Variants in SV2C observed in about 807,000 individuals in gnomAD.
SV2C encodes solute carrier family 22 member B3.
SV2C carries 49 observed loss-of-function variants against 79.7 expected under a neutral mutation model. The ratio of observed to expected loss-of-function variants is 0.61; its 90% confidence interval spans 0.49 to 0.78. SV2C has a LOEUF of 0.78. Ranked by LOEUF, SV2C falls within the 30% of genes least tolerant of loss-of-function variation. The pLI is 0.00. For synonymous variants in SV2C, 334 were observed against 333.2 expected (o/e 1.00, Z -0.03); for missense variants, 833 against 912.9 (o/e 0.91, Z 1.13).
intron 1 of SV2C, among the ~76,000 whole-genome samples, chr5:76,120,169 C>A (rs1050109411): frequency 6.6e-6 from 1 of 152,010 alleles, no homozygotes; most frequent in Non-Finnish European, 1.5e-5. Flanking sequence ...AAAGAATCTA[C>A]CAGCACACAT....
At chr5:76,274,100 G>A (rs181069497) in intron 4 of SV2C, among the ~76,000 whole-genome samples, 4 of 152,256 alleles carry the variant, frequency 2.6e-5, no homozygotes, top group East Asian at 3.9e-4. Context: ...ATTAACATTC[G>A]TTTAGTTCAG....
intron 3 of SV2C, among the ~76,000 whole-genome samples, chr5:76,197,660 A>G (rs1346633652): frequency 2.1e-5 from 3 of 142,046 alleles, no homozygotes. Flanking sequence ...AGCATTCTCC[A>G]GAGAGAGAGA....
At chr5:76,118,745 G>T (rs1011977378) in intron 1 of SV2C, among the ~76,000 whole-genome samples, 23 of 152,180 alleles carry the variant, frequency 1.5e-4, no homozygotes, top group African/African-American at 5.6e-4. Flanking sequence ...ACTTTGGGAG[G>T]CTGAGGTAGG....
the SV2C span, among the ~76,000 whole-genome samples, chr5:75,932,625 G>A: frequency 6.6e-6 from 1 of 152,234 alleles, no homozygotes; most frequent in African/African-American, 2.4e-5. Context: ...GCCTCTGGCT[G>A]ATTATCTGCA....
intron 2 of SV2C, among the ~76,000 whole-genome samples, chr5:76,190,304 A>G (rs940663778): frequency 2.0e-4 from 31 of 152,234 alleles, no homozygotes; most frequent in Non-Finnish European, 3.7e-4. Flanking sequence ...AAAAGTGTGA[A>G]TTTAGAGCCA....
Position 76,106,944 on chromosome 5 carries a change from C to T in SV2C, c.-102+23432C>T, listed in dbSNP as rs1045756839. 3.3e-5 allele frequency among the ~76,000 whole-genome samples: 5 copies of T among 152,306 alleles called. No homozygotes were observed. The East Asian group carries it at 9.6e-4, about 29-fold the overall frequency. ...GGTCTTGCTTGTCATTGTTGCATCCCAAGTGCCCAGAATAGTGCCTGACAC... is the reference window on the plus strand; with the variant it reads ...GGTCTTGCTTGTCATTGTTGCATCCTAAGTGCCCAGAATAGTGCCTGACAC... On this transcript the variant is annotated intron_variant, in intron 1 of 12. Coordinates refer to ENST00000502798, the MANE Select transcript of SV2C (RefSeq NM_014979.4).
chr5:76,246,654 C>T (rs1409907004), intron 4 of SV2C, among the ~76,000 whole-genome samples: 1 of 152,138 alleles, frequency 6.6e-6, no homozygotes, highest in African/African-American at 2.4e-5. Context: ...CACTCACACA[C>T]ACAGCAGAAG....
At chr5:75,947,836 C>T in the SV2C span, among the ~76,000 whole-genome samples, 1 of 151,890 alleles carries the variant, frequency 6.6e-6, no homozygotes, top group Non-Finnish European at 1.5e-5. Context: ...CATTGGTCTT[C>T]TCCTTGATCT....
In SV2C at chr5:76,171,528, G is replaced by A. The variant is rs1487166772; in HGVS notation, c.581-23391G>A. Among the ~76,000 whole-genome samples, 2 of 137,964 alleles carry A rather than the reference G, an allele frequency of 1.4e-5. 1 individual carries two copies. Among genetic ancestry groups the A allele is most frequent in the Non-Finnish European group, 3.3e-5 (2 of 60,678 alleles). 90.5% of individuals were successfully genotyped at this position (137,964 alleles called of 152,430 possible). On this transcript the variant is annotated intron_variant, in intron 2 of 12. Transcript: ENST00000502798. The stretch of plus-strand genomic sequence containing the variant: ...GCAACCACCCCGTCTGAGAAGTGAG[G>A]AGCCTCTCCGCCCGGCAGCCACCCC...
the SV2C span, among the ~76,000 whole-genome samples, chr5:75,905,652 G>T: frequency 4.6e-5 from 7 of 152,138 alleles, no homozygotes; most frequent in South Asian, 1.5e-3. Context: ...CCCAGCTGGT[G>T]GTGTCAGGTG....
At chr5:76,144,055 A>G (rs979990558) in intron 2 of SV2C, among the ~76,000 whole-genome samples, 1 of 152,216 alleles carries the variant, frequency 6.6e-6, no homozygotes, top group Admixed American at 6.5e-5. Context: ...CAAAAAGTGC[A>G]CAATCTCAGT....
At chr5:75,949,528 CAT>C in the SV2C span, among the ~76,000 whole-genome samples, 2 of 151,974 alleles carry the variant, frequency 1.3e-5, no homozygotes, top group Non-Finnish European at 2.9e-5. Context: ...GTATTTTCCA[CAT>C]GTTGTGGGAG....
the SV2C span, among the ~76,000 whole-genome samples, chr5:75,919,177 A>C: frequency 6.6e-6 from 1 of 152,350 alleles, no homozygotes; most frequent in East Asian, 1.9e-4. Flanking sequence ...ACATGAGAAC[A>C]GTGTACAAGT....
the SV2C span, among the ~76,000 whole-genome samples, chr5:75,996,778 C>G: frequency 6.6e-6 from 1 of 150,904 alleles, no homozygotes; most frequent in Non-Finnish European, 1.5e-5. Context: ...TGATTTGGCT[C>G]TCTGTTTGTC....
chr5:75,881,709 G>C, the SV2C span, among the ~76,000 whole-genome samples: 1 of 151,896 alleles, frequency 6.6e-6, no homozygotes, highest in African/African-American at 2.4e-5. Context: ...TGAGACAATG[G>C]GGTTTTCTAG....
chr5:76,277,864 G>A (rs111822620), intron 4 of SV2C, among the ~76,000 whole-genome samples: 1,558 of 152,266 alleles, frequency 0.01, 25 homozygotes, highest in African/African-American at 0.035. Flanking sequence ...GTGATTGCCA[G>A]GGGTTAGGGC....
At chr5:75,862,009 TA>T in the SV2C span, among the ~76,000 whole-genome samples, 6 of 152,334 alleles carry the variant, frequency 3.9e-5, no homozygotes, top group East Asian at 1.2e-3. Flanking sequence ...TGGGATTGAA[TA>T]ATTTTTATTT....
the SV2C span, among the ~76,000 whole-genome samples, chr5:75,856,910 T>C: frequency 6.6e-6 from 1 of 151,994 alleles, no homozygotes; most frequent in African/African-American, 2.4e-5. Flanking sequence ...TGTTTTCTTG[T>C]AGCATTTTCA....
intron 12 of SV2C, among the ~76,000 whole-genome samples, chr5:76,306,845 T>C (rs1308116595): frequency 2.0e-5 from 3 of 152,326 alleles, no homozygotes; most frequent in Admixed American, 1.3e-4. Flanking sequence ...AAAGCAATTA[T>C]GACATTTAGC....
Sources: allele counts gnomAD v4.1 joint callset (sites outside exome capture counted in the v4.1 genomes callset), GRCh38; gene constraint gnomAD v4.1.1; transcripts MANE v1.5; gene names NCBI Gene and HGNC (gene_info 2026-07-23, HGNC 2026-07-21).